MINDY3: variants seen among roughly 807,000 people sequenced by gnomAD.
MINDY3 encodes the protein ubiquitin carboxyl-terminal hydrolase MINDY-3.
MINDY3 carries 38 observed loss-of-function variants against 69.2 expected under a neutral mutation model. The observed-to-expected ratio is 0.55, with a 90% CI of 0.42 to 0.72. The LOEUF (loss-of-function observed/expected upper bound fraction) is 0.72, where lower values mean the gene tolerates loss of function less well. Among genes scored for constraint, MINDY3 ranks in the 30% least tolerant of loss-of-function variants. The pLI is 0.00. For missense variants in MINDY3, 522 were observed against 519.0 expected, an observed-to-expected ratio of 1.01 and a Z score of -0.06; for synonymous variants, 192 against 180.1, an observed-to-expected ratio of 1.07 and a Z score of -0.53.
intron 6 of MINDY3, among the ~76,000 whole-genome samples, chr10:15,836,021 T>C (rs912175039): frequency 6.6e-6 from 1 of 152,210 alleles, no homozygotes; most frequent in African/African-American, 2.4e-5. Flanking sequence ...CTTTTTACTG[T>C]GTTCCAATTC....
chr10:15,841,343 T>G (rs1051887688), intron 4 of MINDY3, 83 bp downstream of exon 4: 6 of 1,108,420 alleles, frequency 5.4e-6, no homozygotes, highest in Non-Finnish European at 7.7e-6. Context: ...AAATTTTAAG[T>G]AATTTTTTCT....
chr10:15,832,491 C>T (rs560471313), intron 8 of MINDY3, among the ~76,000 whole-genome samples: 200 of 151,974 alleles, frequency 1.3e-3, no homozygotes, highest in Non-Finnish European at 2.3e-3. Context: ...AGCTATGAAT[C>T]AGATTAAGGG....
chr10:15,803,048 G>C (rs968398278), intron 10 of MINDY3, among the ~76,000 whole-genome samples: 2 of 152,162 alleles, frequency 1.3e-5, no homozygotes, highest in Non-Finnish European at 2.9e-5. Context: ...GTCTTCTAAA[G>C]TGATTACTGG....
intron 10 of MINDY3, among the ~76,000 whole-genome samples, chr10:15,811,458 A>G (rs749217435): frequency 4.6e-5 from 7 of 152,170 alleles, no homozygotes; most frequent in Non-Finnish European, 8.8e-5. Flanking sequence ...TAGTCATGAG[A>G]CTATGTATAG....
At chr10:15,821,582 G>A in intron 9 of MINDY3, 74 bp downstream of exon 9, 2 of 1,130,954 alleles carry the variant, frequency 1.8e-6, no homozygotes, top group Non-Finnish European at 2.6e-6. Context: ...TGTGCTGTCA[G>A]AGGAACAAAA....
At chr10:15,830,281 A>AT (rs1193810817) in intron 8 of MINDY3, among the ~76,000 whole-genome samples, 2 of 152,218 alleles carry the variant, frequency 1.3e-5, no homozygotes, top group Non-Finnish European at 2.9e-5. Flanking sequence ...ATTATGCAGC[A>AT]GTGGCAAACA....
At chr10:15,780,088 A>G (rs888031603) in intron 14 of MINDY3, among the ~76,000 whole-genome samples, 1 of 152,202 alleles carries the variant, frequency 6.6e-6, no homozygotes, top group Non-Finnish European at 1.5e-5. Context: ...TTACACATTC[A>G]CTGGCTGATA....
chr10:15,794,553 G>A (rs999206232), intron 11 of MINDY3, among the ~76,000 whole-genome samples: 7 of 152,032 alleles, frequency 4.6e-5, no homozygotes, highest in African/African-American at 1.7e-4. Context: ...GCTGTCACAT[G>A]TAACTCTGTA....
At chr10:15,834,474 G>T in intron 7 of MINDY3, 69 bp downstream of exon 7, 1 of 1,095,920 alleles carries the variant, frequency 9.1e-7, no homozygotes, top group Non-Finnish European at 1.4e-6. Context: ...ACTCAGTCAT[G>T]TTTTATCTGA....
chr10:15,837,398 T>C lies in MINDY3; in HGVS notation c.462-80A>G, dbSNP rs533685050. ...TAAAAGGGAAAATTTTTAAATTTTC[T>C]TATACATTAAAACATATACATACAA... On this transcript the variant is annotated intron_variant, in intron 5 of 14. Transcript: ENST00000277632. 7.4e-5 allele frequency: 93 copies of C among 1,261,642 alleles called. No individual in the cohort carries two copies. In the African/African-American group the frequency reaches 1.3e-3, roughly 17 times the overall value. 78.2% of individuals were successfully genotyped at this position (1,261,642 alleles called of 1,614,324 possible).
chr10:15,834,858 T>C (rs1030454048), intron 6 of MINDY3, among the ~76,000 whole-genome samples: 3 of 152,004 alleles, frequency 2.0e-5, no homozygotes, highest in Admixed American at 6.6e-5. Context: ...ATATGTACCG[T>C]TGGTTAAAAG....
At chr10:15,837,042 G>A (rs1471802051) in intron 6 of MINDY3, among the ~76,000 whole-genome samples, 162 bp downstream of exon 6, 3 of 151,914 alleles carry the variant, frequency 2.0e-5, no homozygotes, top group East Asian at 1.9e-4. Flanking sequence ...CTTAAGCAAC[G>A]AGTGAGTGCT....
chr10:15,787,215 T>G (rs1837037553), intron 12 of MINDY3, among the ~76,000 whole-genome samples: 1 of 152,104 alleles, frequency 6.6e-6, no homozygotes, highest in Non-Finnish European at 1.5e-5. Context: ...TGACAGTGAC[T>G]GATATATACT....
intron 4 of MINDY3, among the ~76,000 whole-genome samples, chr10:15,840,197 C>A (rs1261930614): frequency 1.3e-5 from 2 of 151,518 alleles, no homozygotes; most frequent in Non-Finnish European, 3.0e-5. Flanking sequence ...GTGCTAACAC[C>A]CACACAGTAA....
intron 8 of MINDY3, among the ~76,000 whole-genome samples, chr10:15,822,558 C>T (rs1839840853): frequency 6.6e-6 from 1 of 152,094 alleles, no homozygotes; most frequent in African/African-American, 2.4e-5. Flanking sequence ...TGTTTCTGGT[C>T]TGGGGGGACA....
chr10:15,838,546 A>T (rs1358792123), intron 4 of MINDY3, among the ~76,000 whole-genome samples: 1 of 151,812 alleles, frequency 6.6e-6, no homozygotes, highest in Non-Finnish European at 1.5e-5. Flanking sequence ...GCAGTTATAA[A>T]GTATGAAAAA....
intron 6 of MINDY3, among the ~76,000 whole-genome samples, chr10:15,835,513 CA>C (rs1251095087): frequency 6.6e-6 from 1 of 152,028 alleles, no homozygotes; most frequent in African/African-American, 2.4e-5. Context: ...ATGATAATGT[CA>C]AGATGAATAC....
chr10:15,841,078 C>T (rs907506456), intron 4 of MINDY3, among the ~76,000 whole-genome samples: 9 of 151,162 alleles, frequency 6.0e-5, no homozygotes, highest in African/African-American at 1.7e-4. Context: ...CAAAAAAATC[C>T]GTTTTTGCAA....
chr10:15,849,790 TAAA>T (rs753972770), intron 1 of MINDY3, among the ~76,000 whole-genome samples: 9 of 152,136 alleles, frequency 5.9e-5, no homozygotes, highest in Non-Finnish European at 1.0e-4. Context: ...TCTAACATAT[TAAA>T]ATAAAACAAA....
Sources: allele counts gnomAD v4.1 joint callset (sites outside exome capture counted in the v4.1 genomes callset), GRCh38; gene constraint gnomAD v4.1.1; transcripts MANE v1.5; gene names NCBI Gene and HGNC (gene_info 2026-07-23, HGNC 2026-07-21).